The following ELAVL4 variants were observed in gnomAD, a reference collection of about 807,000 sequenced individuals.
ELAVL4 encodes ELAV like RNA binding protein 4.
In ELAVL4, 1 loss-of-function variant was observed where a neutral mutation model predicts 35.6. The observed-to-expected ratio is 0.03, with a 90% CI of 0.01 to 0.13. The LOEUF is 0.13. Ranked by LOEUF, ELAVL4 falls within the 10% of genes least tolerant of loss-of-function variation. ELAVL4 has a pLI of 1.00. For missense variants in ELAVL4, 267 were observed against 464.9 expected (o/e 0.57, Z 3.91); for synonymous variants, 156 against 171.0 (o/e 0.91, Z 0.69).
At chr1:50,115,241 T>A (rs1421606619) in intron 1 of ELAVL4, 3 of 152,096 alleles carry the variant, frequency 2.0e-5, no homozygotes, top group African/African-American at 7.2e-5. Flanking sequence ...GATCCCCCTC[T>A]ACAAGGATCA....
intron 6 of ELAVL4, among the ~76,000 whole-genome samples, chr1:50,199,824 G>T (rs541723539): frequency 3.3e-5 from 5 of 152,206 alleles, no homozygotes; most frequent in Admixed American, 3.3e-4. Flanking sequence ...TAACCTAATT[G>T]TTTCATCTGG....
At position 50,093,567 on chromosome 1, in the gene ELAVL4, T is replaced by C. The variant is rs891699042; in HGVS notation, c.18+45385T>C. ...TTTGCCATTACTGGTTTATGCCTGT[T>C]GTCTTGTTGTAATTATTAATAGAGA... On this transcript the variant is annotated intron_variant, in intron 1 of 6. Transcript: ENST00000448907. Among the ~76,000 whole-genome samples the C allele has an allele frequency of 2.6e-5, 4 of 152,204 alleles. No homozygotes were observed. In the East Asian group the frequency reaches 5.8e-4, roughly 22 times the overall value.
Position 50,189,061 on chromosome 1 carries a change from A to G in ELAVL4, c.355-4704A>G, listed in dbSNP as rs901799998. 1.8e-4 allele frequency among the ~76,000 whole-genome samples: 28 copies of G among 152,240 alleles called. 1 individual carries two copies. The highest frequency in any genetic ancestry group is 1.1e-3 in the Admixed American group (17 of 15,288). On this transcript the variant is annotated intron_variant, in intron 3 of 6. Transcript: ENST00000371824. ...GAAGGGGAGGAATGAATGAACTCCC[A>G]TCTTCTAATGCCAGTGTTTTTCTAA...
At chr1:50,144,825 C>A in intron 1 of ELAVL4, 132 bp from the exon 2 acceptor site, 1 of 1,405,626 alleles carries the variant, frequency 7.1e-7, no homozygotes, top group Non-Finnish European at 1.0e-6. Context: ...TGGCTGTGTT[C>A]ACAACCCAGT....
intron 4 of ELAVL4, among the ~76,000 whole-genome samples, chr1:50,194,929 C>T (rs1643938482): frequency 6.6e-6 from 1 of 152,136 alleles, no homozygotes; most frequent in African/African-American, 2.4e-5. Flanking sequence ...GAGGATCAGG[C>T]AGTTCAGGGT....
At chr1:50,154,303 T>G (rs1056329914) in intron 2 of ELAVL4, among the ~76,000 whole-genome samples, 10 of 152,326 alleles carry the variant, frequency 6.6e-5, no homozygotes, top group African/African-American at 1.4e-4. Context: ...CTTTCAGACT[T>G]CCCATGGCGT....
At chr1:50,127,347 G>C (rs1473725440) in intron 1 of ELAVL4, among the ~76,000 whole-genome samples, 1 of 152,048 alleles carries the variant, frequency 6.6e-6, no homozygotes, top group African/African-American at 2.4e-5. Flanking sequence ...CTCAATATAG[G>C]GTGGTAAGTA....
chr1:50,184,765 G>A (rs952128650), intron 3 of ELAVL4, among the ~76,000 whole-genome samples: 1 of 152,160 alleles, frequency 6.6e-6, no homozygotes, highest in African/African-American at 2.4e-5. Context: ...ATCATCGGAA[G>A]CATTCAGATG....
Position 50,152,182 on chromosome 1 carries a change from G to T in ELAVL4, c.250+6985G>T, listed in dbSNP as rs77003174. The stretch of plus-strand genomic sequence containing the variant: ...AGGTATGGTTTCCTTTTGCCTCCTG[G>T]CTGTGTTCCCCTTCATCTTACCTTC... On this transcript the variant is annotated intron_variant, in intron 2 of 6. Coordinates refer to ENST00000371824, the MANE Select transcript of ELAVL4 (RefSeq NM_001144774.3). 4.6e-3 allele frequency among the ~76,000 whole-genome samples: 701 copies of T among 152,086 alleles called. 6 individuals are homozygous for T. The highest frequency in any genetic ancestry group is 0.015 in the African/African-American group (618 of 41,464).
intron 1 of ELAVL4, among the ~76,000 whole-genome samples, chr1:50,121,609 T>C (rs1669050127): frequency 6.6e-6 from 1 of 152,014 alleles, no homozygotes; most frequent in Non-Finnish European, 1.5e-5. Context: ...TCAGAAAAGT[T>C]TGAGAAATAC....
intron 2 of ELAVL4, chr1:50,175,561 GTCTT>G (rs771631665): frequency 6.6e-6 from 1 of 152,256 alleles, no homozygotes; most frequent in East Asian, 1.9e-4. Flanking sequence ...GTTTGCCCCT[GTCTT>G]TCTTCTTCTC....
At chr1:50,149,484 A>G (rs1343054576) in intron 2 of ELAVL4, among the ~76,000 whole-genome samples, 1 of 151,790 alleles carries the variant, frequency 6.6e-6, no homozygotes, top group Non-Finnish European at 1.5e-5. Flanking sequence ...CATCACAGTG[A>G]TAAAAAAAAG....
chr1:50,190,277 G>T (rs1682465111), intron 3 of ELAVL4, among the ~76,000 whole-genome samples: 1 of 152,222 alleles, frequency 6.6e-6, no homozygotes, highest in Non-Finnish European at 1.5e-5. Context: ...GCATTAATAT[G>T]CCATCAATGC....
In ELAVL4 at chr1:50,143,757, C is replaced by T. The variant is rs191547182; in HGVS notation, c.10-1200C>T. ...ATGGAAAGTTGCGAATTATGGGCTG[C>T]GTTTGGGGCCAGGAAATCCGGGTGC... On this transcript the variant is annotated intron_variant, in intron 1 of 6. Transcript: ENST00000371824. Among the ~76,000 whole-genome samples, 32 of 152,162 alleles carry T rather than the reference C, an allele frequency of 2.1e-4. 1 individual carries two copies. The East Asian group carries it at 5.4e-3, about 26-fold the overall frequency.
chr1:50,114,187 G>C (rs1391343005), intron 1 of ELAVL4, among the ~76,000 whole-genome samples: 2 of 152,010 alleles, frequency 1.3e-5, no homozygotes, highest in Non-Finnish European at 2.9e-5. Flanking sequence ...CAAGGGCCTG[G>C]GTATGAATTA....
At chr1:50,072,216 A>G (rs1213925161) in intron 1 of ELAVL4, among the ~76,000 whole-genome samples, 1 of 152,226 alleles carries the variant, frequency 6.6e-6, no homozygotes, top group Non-Finnish European at 1.5e-5. Context: ...GAATAAATAA[A>G]TAAGCAAATT....
intron 2 of ELAVL4, among the ~76,000 whole-genome samples, chr1:50,159,815 T>C (rs1676459304): frequency 6.6e-6 from 1 of 152,044 alleles, no homozygotes; most frequent in Non-Finnish European, 1.5e-5. Context: ...AGGAGGCAGT[T>C]TGCAACAGTT....
At chr1:50,128,723 G>T (rs1277655541) in intron 1 of ELAVL4, among the ~76,000 whole-genome samples, 1 of 152,134 alleles carries the variant, frequency 6.6e-6, no homozygotes, top group Non-Finnish European at 1.5e-5. Flanking sequence ...TATGTGCAGA[G>T]TGTGGCACAG....
At chr1:50,126,449 A>G (rs953398292) in intron 1 of ELAVL4, among the ~76,000 whole-genome samples, 4 of 152,018 alleles carry the variant, frequency 2.6e-5, no homozygotes, top group Non-Finnish European at 5.9e-5. Context: ...GATGAAGGGG[A>G]TGGATGATTT....
Sources: allele counts gnomAD v4.1 joint callset (sites outside exome capture counted in the v4.1 genomes callset), GRCh38; gene constraint gnomAD v4.1.1; transcripts MANE v1.5; gene names NCBI Gene and HGNC (gene_info 2026-07-23, HGNC 2026-07-21).